Variants in SCGB2B2 observed in about 807,000 individuals in gnomAD.
SCGB2B2 encodes secretoglobin family 2B member 2.
In SCGB2B2, 11 loss-of-function variants were observed where a neutral mutation model predicts 7.6. The observed-to-expected ratio is 1.45, with a 90% CI of 0.91 to 2.40. SCGB2B2 has a LOEUF of 2.40. Ranked by LOEUF, SCGB2B2 falls within the 30% of genes most tolerant of loss-of-function variation. SCGB2B2 has a pLI of 0.00. For missense variants in SCGB2B2, 104 were observed against 115.4 expected, an observed-to-expected ratio of 0.90 and a Z score of 0.45; for synonymous variants, 50 against 48.6, an observed-to-expected ratio of 1.03 and a Z score of -0.12.
intron 1 of SCGB2B2, among the ~76,000 whole-genome samples, chr19:34,602,366 T>C (rs967574767): frequency 6.6e-6 from 1 of 152,214 alleles, no homozygotes; most frequent in African/African-American, 2.4e-5. Context: ...TGGAACATTT[T>C]GTCTATGTCC....
Position 34,595,440 on chromosome 19 carries a change from GT to G in SCGB2B2, c.-878del, listed in dbSNP as rs1478929765. ...ATAGCAGTTTAAATGAGTCTCCTTT[GT>G]GCTCAAACAGCATAACTTTAACTTG... On this transcript the variant is annotated 5_prime_UTR_variant, in exon 2 of 4. The change abolishes the stop of an existing upstream ORF in the 5' untranslated region. Coordinates refer to ENST00000601241, the MANE Select transcript of SCGB2B2 (RefSeq NM_001025591.4). 3 of 152,690 alleles carry G rather than the reference GT, an allele frequency of 2.0e-5. No individual in the cohort carries two copies. Among genetic ancestry groups the G allele is most frequent in the Non-Finnish European group, 1.5e-5 (1 of 68,054 alleles). 9.5% of individuals were successfully genotyped at this position (152,690 alleles called of 1,614,324 possible). A position where few individuals can be genotyped will look rare whatever the true frequency, so the allele number is the denominator to read the frequency against.
intron 1 of SCGB2B2, among the ~76,000 whole-genome samples, chr19:34,620,244 C>T (rs1268569957): frequency 6.6e-6 from 1 of 152,052 alleles, no homozygotes; most frequent in African/African-American, 2.4e-5. Flanking sequence ...TTTATTGTGG[C>T]ACTATTCACA....
chr19:34,604,857 A>T (rs1568429760), intron 1 of SCGB2B2, among the ~76,000 whole-genome samples: 1 of 152,160 alleles, frequency 6.6e-6, no homozygotes, highest in African/African-American at 2.4e-5. Context: ...TTTTTATTAT[A>T]ACAGCTTTAA....
chr19:34,628,875 A>G (rs2066451839), intron 1 of SCGB2B2, among the ~76,000 whole-genome samples: 1 of 151,992 alleles, frequency 6.6e-6, no homozygotes, highest in Non-Finnish European at 1.5e-5. Flanking sequence ...TCTCAATAAA[A>G]TACTGGCAAA....
intron 1 of SCGB2B2, among the ~76,000 whole-genome samples, chr19:34,665,149 T>TGA (rs528788427): frequency 1.2e-4 from 18 of 152,290 alleles, no homozygotes; most frequent in Non-Finnish European, 2.5e-4. Context: ...ATGGTGGCCA[T>TGA]GAGAGTGCAG....
intron 1 of SCGB2B2, among the ~76,000 whole-genome samples, chr19:34,658,732 T>A (rs1257264861): frequency 7.0e-6 from 1 of 142,194 alleles, no homozygotes; most frequent in African/African-American, 2.7e-5. Context: ...AAAGAGGGAA[T>A]CCTCCCTAAC....
At chr19:34,670,954 TTCTC>T (rs1305489756) in intron 1 of SCGB2B2, among the ~76,000 whole-genome samples, 2 of 152,152 alleles carry the variant, frequency 1.3e-5, no homozygotes, top group East Asian at 1.9e-4. Flanking sequence ...GATGGAGTCT[TTCTC>T]TGTCACCCAG....
intron 1 of SCGB2B2, chr19:34,645,672 C>T (rs2066990648): frequency 4.9e-6 from 2 of 406,424 alleles, no homozygotes; most frequent in Non-Finnish European, 1.0e-5. Context: ...ATGAGGATGA[C>T]ACCCACCGCC....
chr19:34,666,634 G>C (rs540404741), intron 1 of SCGB2B2, among the ~76,000 whole-genome samples: 53 of 152,270 alleles, frequency 3.5e-4, no homozygotes, highest in Non-Finnish European at 6.2e-4. Flanking sequence ...CTGCCCCCAG[G>C]ACCCTGAGTT....
chr19:34,605,663 C>T (rs1022665895), intron 1 of SCGB2B2, among the ~76,000 whole-genome samples: 2 of 152,200 alleles, frequency 1.3e-5, no homozygotes, highest in Admixed American at 6.5e-5. Flanking sequence ...TCTTGGCTCA[C>T]CGCAACCTCC....
chr19:34,628,117 A>G (rs977113501), intron 1 of SCGB2B2, among the ~76,000 whole-genome samples: 3 of 152,218 alleles, frequency 2.0e-5, no homozygotes, highest in Non-Finnish European at 2.9e-5. Context: ...GACACATTCA[A>G]TGCAGTGTGT....
chr19:34,607,181 T>C (rs899039274), intron 1 of SCGB2B2, among the ~76,000 whole-genome samples: 1 of 152,250 alleles, frequency 6.6e-6, no homozygotes, highest in African/African-American at 2.4e-5. Context: ...CTAGGCATAA[T>C]GTCCTACAGG....
At chr19:34,616,647 G>C (rs1270276) in intron 1 of SCGB2B2, among the ~76,000 whole-genome samples, 35,745 of 118,622 alleles carry the variant, frequency 0.3, 5,290 homozygotes, top group African/African-American at 0.4. Context: ...CCTGTTCACT[G>C]TGATGGTAGT....
intron 1 of SCGB2B2, among the ~76,000 whole-genome samples, chr19:34,615,149 T>C (rs772097462): frequency 2.6e-5 from 4 of 152,130 alleles, no homozygotes; most frequent in Admixed American, 6.5e-5. Flanking sequence ...ACTCCAGTCA[T>C]AGTTCTAAAT....
In SCGB2B2 at chr19:34,676,996, AT is replaced by A. The variant is rs2067978312; in HGVS notation, c.-3399del. 6.6e-6 allele frequency: 1 copy of A among 151,920 alleles called. No homozygotes were observed. Among genetic ancestry groups the A allele is most frequent in the Admixed American group, 6.6e-5 (1 of 15,254 alleles). The allele number at this position is 151,920 out of a possible 1,614,324, so 9.4% of individuals were successfully genotyped here. ...CTCCCAGTGCTCACTCAAGTTCAGT[AT>A]TTCCAAGTCCTTCCAGGGGCGTAAC... On this transcript the variant is annotated 5_prime_UTR_variant, in exon 1 of 4. It removes the in-frame stop codon of an upstream open reading frame in the 5' UTR. Transcript: ENST00000601241.
chr19:34,611,604 T>C (rs921325761), intron 1 of SCGB2B2, among the ~76,000 whole-genome samples: 2 of 152,084 alleles, frequency 1.3e-5, no homozygotes, highest in African/African-American at 4.8e-5. Context: ...CAGGCTTTTG[T>C]ATGTTGCATT....
chr19:34,614,775 C>T (rs550745967), intron 1 of SCGB2B2, among the ~76,000 whole-genome samples: 1 of 152,264 alleles, frequency 6.6e-6, no homozygotes, highest in South Asian at 2.1e-4. Flanking sequence ...TAAGACTTTC[C>T]CCTCCAGTTG....
chr19:34,627,632 C>T (rs2066415505), intron 1 of SCGB2B2, among the ~76,000 whole-genome samples: 1 of 152,166 alleles, frequency 6.6e-6, no homozygotes, highest in Non-Finnish European at 1.5e-5. Context: ...CCTTAGACAC[C>T]TACAAAGAGA....
At chr19:34,614,892 A>G (rs1195380907) in intron 1 of SCGB2B2, among the ~76,000 whole-genome samples, 1 of 152,216 alleles carries the variant, frequency 6.6e-6, no homozygotes, top group Non-Finnish European at 1.5e-5. Flanking sequence ...ATCAATAACT[A>G]TGAGTGACCC....
Sources: gnomAD v4.1 joint callset for allele counts (sites outside exome capture counted in the v4.1 genomes callset) on GRCh38, gnomAD v4.1.1 for gene constraint, MANE v1.5 for transcripts, NCBI Gene and HGNC (gene_info 2026-07-23, HGNC 2026-07-21) for gene names.